Variants in LEPR observed in about 807,000 individuals in gnomAD.
LEPR encodes the protein leptin receptor.
LEPR carries 56 observed loss-of-function variants against 114.7 expected under a neutral mutation model. That is an observed-to-expected ratio of 0.49 (90% CI 0.39 to 0.61). The LOEUF is 0.61. Ranked by LOEUF, LEPR falls within the 20% of genes least tolerant of loss-of-function variation. The pLI is 0.00. For synonymous variants in LEPR, 443 were observed against 461.4 expected (o/e 0.96, Z 0.51); for missense variants, 1,202 against 1,352.9 (o/e 0.89, Z 1.75).
chr1:65,468,381 GAGGAC>G (rs1217792179), intron 2 of LEPR, among the ~76,000 whole-genome samples: 1 of 152,220 alleles, frequency 6.6e-6, no homozygotes, highest in Non-Finnish European at 1.5e-5. Flanking sequence ...ACAAATTATA[GAGGAC>G]ACTGGGTATG....
rs961572869 is a variant in LEPR at position 65,444,188 on chromosome 1, A to G, written c.-21+18810A>G. ...TGATCTCATTGTTCAATTCCCACCT[A>G]TGAGTGAGAATATGCGGTGTTAAGA... On this transcript the variant is annotated intron_variant, in intron 2 of 19. Transcript: ENST00000349533. 3.5e-5 allele frequency among the ~76,000 whole-genome samples: 5 copies of G among 142,554 alleles called. 1 individual carries two copies. Among genetic ancestry groups the G allele is most frequent in the African/African-American group, 5.3e-5 (2 of 38,018 alleles). 93.5% of individuals were successfully genotyped at this position (142,554 alleles called of 152,430 possible). A position where few individuals can be genotyped will look rare whatever the true frequency, so the allele number is the denominator to read the frequency against.
At chr1:65,484,885 A>G (rs1476875037) in intron 2 of LEPR, among the ~76,000 whole-genome samples, 1 of 152,216 alleles carries the variant, frequency 6.6e-6, no homozygotes, top group Non-Finnish European at 1.5e-5. Context: ...GGATACTGCT[A>G]TGATTTTTAT....
chr1:65,474,549 G>T (rs1647131830), intron 2 of LEPR, among the ~76,000 whole-genome samples: 1 of 152,144 alleles, frequency 6.6e-6, no homozygotes. Context: ...CAATGTAAAT[G>T]ACACCAAGTC....
At chr1:65,582,684 T>C (rs1191904003) in intron 5 of LEPR, among the ~76,000 whole-genome samples, 1 of 152,224 alleles carries the variant, frequency 6.6e-6, no homozygotes, top group Non-Finnish European at 1.5e-5. Flanking sequence ...GTGAATAAAT[T>C]CTTTGAGTTC....
chr1:65,507,723 T>C (rs1324651444), intron 2 of LEPR, among the ~76,000 whole-genome samples: 4 of 152,030 alleles, frequency 2.6e-5, no homozygotes, highest in Non-Finnish European at 4.4e-5. Context: ...TTCTAGATCA[T>C]AAGGTAAATC....
intron 4 of LEPR, among the ~76,000 whole-genome samples, chr1:65,571,798 A>T (rs554392921): frequency 0.26 from 29,144 of 112,810 alleles, 3,485 homozygotes; most frequent in South Asian, 0.34. Context: ...TACCAAAAAA[A>T]AAAAAAAAAA....
intron 2 of LEPR, among the ~76,000 whole-genome samples, chr1:65,449,037 G>T (rs1318541801): frequency 6.6e-6 from 1 of 152,138 alleles, no homozygotes; most frequent in Non-Finnish European, 1.5e-5. Context: ...GGGATTACAG[G>T]TGCCCACCAC....
chr1:65,549,712 G>A (rs539082204), intron 2 of LEPR, among the ~76,000 whole-genome samples: 5 of 151,944 alleles, frequency 3.3e-5, no homozygotes, highest in South Asian at 2.1e-4. Context: ...TTATACATTT[G>A]TCTAAATTTT....
In LEPR at chr1:65,617,993, C is replaced by A; in HGVS notation, c.2242C>A (p.Pro748Thr). ...TATCGTGCAGTCACTCAGTGCTTAT[C>A]CTTTAAACAGCAGTTGTGTGATTGT... ...VNIVQSLSAY[P>T]LNSSCVIVSW... Residue 748 changes from proline (P) to threonine (T), a missense_variant, in exon 16 of 20, where the codon CCT becomes ACT. Transcript: ENST00000349533. 6.2e-7 allele frequency: 1 copy of A among 1,612,812 alleles called. No homozygotes were observed. The highest frequency in any genetic ancestry group is 8.5e-7 in the Non-Finnish European group (1 of 1,179,508).
chr1:65,494,413 G>T (rs528420167), intron 2 of LEPR, among the ~76,000 whole-genome samples: 1 of 152,040 alleles, frequency 6.6e-6, no homozygotes, highest in African/African-American at 2.4e-5. Context: ...GTCTCTTATA[G>T]TCACCTCTTG....
intron 10 of LEPR, among the ~76,000 whole-genome samples, chr1:65,603,351 T>TCA (rs35530125): frequency 0.42 from 62,846 of 149,762 alleles, 13,591 homozygotes; most frequent in East Asian, 0.85. Context: ...CACCATTTAT[T>TCA]CACACACACA....
intron 2 of LEPR, chr1:65,525,731 C>A: frequency 1.0e-6 from 1 of 986,016 alleles, no homozygotes; most frequent in Non-Finnish European, 1.2e-6. Context: ...GCAGAGCCCA[C>A]GGCCAGCCGA....
intron 2 of LEPR, among the ~76,000 whole-genome samples, chr1:65,552,780 C>G (rs982367752): frequency 1.3e-5 from 2 of 152,094 alleles, no homozygotes; most frequent in Admixed American, 1.3e-4. Flanking sequence ...GGTTGTTTTG[C>G]CCATTAGTTG....
At chr1:65,522,941 C>T (rs1649708200) in intron 2 of LEPR, among the ~76,000 whole-genome samples, 1 of 151,880 alleles carries the variant, frequency 6.6e-6, no homozygotes, top group South Asian at 2.1e-4. Context: ...ATGTTTTTCA[C>T]CGTAGTAATA....
At chr1:65,436,957 C>G (rs1646572048) in intron 2 of LEPR, among the ~76,000 whole-genome samples, 1 of 152,222 alleles carries the variant, frequency 6.6e-6, no homozygotes, top group Non-Finnish European at 1.5e-5. Flanking sequence ...TATATCACCA[C>G]ACTCTGTAAA....
intron 2 of LEPR, among the ~76,000 whole-genome samples, chr1:65,554,519 A>G (rs2100734769): frequency 6.6e-6 from 1 of 152,252 alleles, no homozygotes; most frequent in Middle Eastern, 3.4e-3. Flanking sequence ...CTGTGAGGGG[A>G]AAACTGCCTA....
intron 5 of LEPR, 135 bp from the exon 6 acceptor site, chr1:65,592,522 T>TG: frequency 4.8e-6 from 2 of 416,792 alleles, no homozygotes; most frequent in Non-Finnish European, 7.2e-6. Context: ...TAATGTAGGG[T>TG]TTTTTTTTTT....
chr1:65,429,735 T>C (rs778959907), intron 2 of LEPR: 302 of 790,846 alleles, frequency 3.8e-4, no homozygotes, highest in Non-Finnish European at 5.0e-4. Context: ...TGTTCTAATA[T>C]TCACAATTAA....
chr1:65,522,986 C>A (rs1465939614), intron 2 of LEPR, among the ~76,000 whole-genome samples: 1 of 152,136 alleles, frequency 6.6e-6, no homozygotes, highest in East Asian at 1.9e-4. Flanking sequence ...CTCATGTATT[C>A]ATTCACAGTT....
Sources: gnomAD v4.1 joint callset for allele counts (sites outside exome capture counted in the v4.1 genomes callset) on GRCh38, gnomAD v4.1.1 for gene constraint, MANE v1.5 for transcripts, NCBI Gene and HGNC (gene_info 2026-07-23, HGNC 2026-07-21) for gene names.